Variants in ZNF236 observed in about 807,000 individuals in gnomAD.
ZNF236 encodes zinc finger protein 236.
ZNF236 carries 50 observed loss-of-function variants against 191.2 expected under a neutral mutation model. The ratio of observed to expected loss-of-function variants is 0.26; its 90% CI spans 0.21 to 0.33. The LOEUF is 0.33. ZNF236 is among the 10% of genes least tolerant of loss of function. The probability of loss-of-function intolerance (pLI) is 1.00; values close to 1 mark genes in which losing one functional copy is unlikely to be tolerated. For synonymous variants in ZNF236, 907 were observed against 928.8 expected (o/e 0.98, Z 0.43); for missense variants, 1,754 against 2,374.5 (o/e 0.74, Z 5.43).
intron 9 of ZNF236, among the ~76,000 whole-genome samples, chr18:76,890,866 C>T (rs745458556): frequency 2.6e-5 from 4 of 152,120 alleles, no homozygotes; most frequent in Non-Finnish European, 5.9e-5. Flanking sequence ...TTTTATCCTG[C>T]CTCTGCCACC....
chr18:76,895,402 G>A, intron 10 of ZNF236, 117 bp downstream of exon 10: 1 of 1,386,000 alleles, frequency 7.2e-7, no homozygotes, highest in Non-Finnish European at 9.8e-7. Flanking sequence ...CTGCACACAA[G>A]TACTGCTCAC....
Position 76,871,672 on chromosome 18 carries a change from G to A in ZNF236, c.543-29G>A, listed in dbSNP as rs768023191. ...TATGGTACAAGGGAGACATCTTACT[G>A]TGTATTTTGCCCCCCTTTATTACAC... On this transcript the variant is annotated intron_variant, in intron 4 of 30. Coordinates refer to ENST00000320610, the MANE Select transcript of ZNF236 (RefSeq NM_001306089.2). 3.1e-6 allele frequency: 5 copies of A among 1,613,146 alleles called. No individual in the cohort carries two copies. In the East Asian group the frequency reaches 6.7e-5, roughly 22 times the overall value.
At chr18:76,869,151 A>G (rs1427657002) in intron 4 of ZNF236, among the ~76,000 whole-genome samples, 8 of 152,228 alleles carry the variant, frequency 5.3e-5, no homozygotes, top group African/African-American at 4.8e-5. Context: ...AAATATGTCA[A>G]CTAGACTCAC....
chr18:76,898,471 G>C (rs1977498919), intron 10 of ZNF236, among the ~76,000 whole-genome samples: 1 of 152,180 alleles, frequency 6.6e-6, no homozygotes, highest in Non-Finnish European at 1.5e-5. Context: ...TTCATTTGCT[G>C]ATAAAATTGT....
chr18:76,904,408 GT>G lies in ZNF236; in HGVS notation c.1928del (p.Phe643SerfsTer70). On this transcript the variant is annotated frameshift_variant, in exon 12 of 31. Coordinates refer to ENST00000320610, the MANE Select transcript of ZNF236 (RefSeq NM_001306089.2). LOFTEE classifies it high-confidence loss of function. Reference protein sequence around the residue: ...GLIQPIPKNQFFQSYFNNNFV... With the variant: ...GLIQPIPKNQXFQSYFNNNFV... Reference sequence around the variant, plus strand: ...TCATCCAGCCCATTCCAAAAAACCAGTTTTTCCAAAGCTATTTCAATAATAA... The same window carrying G: ...TCATCCAGCCCATTCCAAAAAACCAGTTTTCCAAAGCTATTTCAATAATAA... 1 of 1,608,476 alleles carries G rather than the reference GT, an allele frequency of 6.2e-7. No individual in the cohort carries two copies. The highest frequency in any genetic ancestry group is 8.5e-7 in the Non-Finnish European group (1 of 1,177,738).
chr18:76,875,965 C>T lies in ZNF236; in HGVS notation c.840+301C>T, dbSNP rs1976699755. ...GTCTGTCATTCTAAATAATGTATTT[C>T]ATCCCTTTAGCAAACTTGAAACACA... On this transcript the variant is annotated intron_variant, in intron 6 of 30. Coordinates refer to ENST00000320610, the MANE Select transcript of ZNF236 (RefSeq NM_001306089.2). The surrounding 1 kb of genome is among the most constrained non-coding windows in gnomAD (Gnocchi z 4.3). Among the ~76,000 whole-genome samples, 1 of 152,154 alleles carries T rather than the reference C, an allele frequency of 6.6e-6. No homozygotes were observed. The highest frequency in any genetic ancestry group is 2.4e-5 in the African/African-American group (1 of 41,428).
chr18:76,957,853 A>G (rs1342820008), intron 28 of ZNF236, among the ~76,000 whole-genome samples: 1 of 152,258 alleles, frequency 6.6e-6, no homozygotes, highest in African/African-American at 2.4e-5. Flanking sequence ...AGACAATACC[A>G]TTCTGGACAG....
At chr18:76,896,643 CAGTACTGCACACAGTACACAAACAG>C (rs1055773808) in intron 10 of ZNF236, among the ~76,000 whole-genome samples, 1 of 148,338 alleles carries the variant, frequency 6.7e-6, no homozygotes, top group Non-Finnish European at 1.5e-5. Flanking sequence ...GTGCCAAACA[CAGTACTGCACACAGTACACAAACAG>C]AGTACTGCAC....
At chr18:76,865,203 A>G (rs949267317) in intron 3 of ZNF236, among the ~76,000 whole-genome samples, 7 of 152,008 alleles carry the variant, frequency 4.6e-5, no homozygotes, top group African/African-American at 1.2e-4. Context: ...TGGGTGTGGT[A>G]GCGGGTGCCT....
chr18:76,837,738 G>T (rs1568187824), intron 1 of ZNF236, among the ~76,000 whole-genome samples: 1 of 152,176 alleles, frequency 6.6e-6, no homozygotes, highest in South Asian at 2.1e-4. Flanking sequence ...ACCGCGCCTG[G>T]CTTTGAATTC....
At chr18:76,896,876 A>T (rs1276757139) in intron 10 of ZNF236, among the ~76,000 whole-genome samples, 3 of 151,708 alleles carry the variant, frequency 2.0e-5, no homozygotes, top group African/African-American at 4.8e-5. Flanking sequence ...TGCACATACT[A>T]CCAAACACAG....
rs1976855958 is a variant in ZNF236 at position 76,880,357 on chromosome 18, T to C, written c.1188+41T>C. On this transcript the variant is annotated intron_variant, in intron 8 of 30. Transcript: ENST00000320610. This position sits in a 1 kb window ranked among gnomAD's most constrained non-coding sequence, Gnocchi z 5.0. ...CTGCGGTGTGAGGCTTACGTGCTCGTGCTGGGTCAGAAACCAGGGATGATA... is the reference window on the plus strand; with the variant it reads ...CTGCGGTGTGAGGCTTACGTGCTCGCGCTGGGTCAGAAACCAGGGATGATA... 6.4e-6 allele frequency: 10 copies of C among 1,555,010 alleles called. No homozygotes were observed. The highest frequency in any genetic ancestry group is 7.9e-6 in the Non-Finnish European group (9 of 1,143,276).
At position 76,875,628 on chromosome 18, in the gene ZNF236, G is replaced by T. The variant is rs768355909; in HGVS notation, c.804G>T (p.Gly268=). Reference sequence around the variant, plus strand: ...GTCCTGCCGCCTTCTCTCAGAAAGGGAATCTTCAGTCGCACGTGCAGCGAG... The same window carrying T: ...GTCCTGCCGCCTTCTCTCAGAAAGGTAATCTTCAGTCGCACGTGCAGCGAG... ...AFCPAAFSQK[G]NLQSHVQRVH... Residue 268 remains glycine, a synonymous_variant, in exon 6 of 31, where the codon GGG becomes GGT. Transcript: ENST00000320610. This position sits in a 1 kb window ranked among gnomAD's most constrained non-coding sequence, Gnocchi z 4.3. 1.3e-6 allele frequency: 2 copies of T among 1,599,752 alleles called. No homozygotes were observed. The highest frequency in any genetic ancestry group is 4.5e-5 in the East Asian group (2 of 44,206).
chr18:76,912,672 C>T (rs973813106), intron 17 of ZNF236, among the ~76,000 whole-genome samples: 4 of 152,166 alleles, frequency 2.6e-5, no homozygotes. Flanking sequence ...TTATATTATG[C>T]CTTTTAGTTC....
Position 76,926,760 on chromosome 18 carries a change from C to T in ZNF236, c.4028-277C>T, listed in dbSNP as rs199716729. Among the ~76,000 whole-genome samples the T allele has an allele frequency of 1.3e-5, 2 of 150,800 alleles. 1 individual carries two copies. The highest frequency in any genetic ancestry group is 3.0e-5 in the Non-Finnish European group (2 of 67,728). ...GTGTATGGTATAAAGGGTGATTAGA[C>T]AGTGTGTGTGTATGGTATAAAGGGT... On this transcript the variant is annotated intron_variant, in intron 22 of 30. Transcript: ENST00000320610.
intron 1 of ZNF236, among the ~76,000 whole-genome samples, chr18:76,844,985 G>T (rs986449450): frequency 1.3e-5 from 2 of 152,190 alleles, no homozygotes; most frequent in Non-Finnish European, 2.9e-5. Flanking sequence ...TAAGTTATTG[G>T]CAGGCCCTTG....
At chr18:76,876,102 A>G (rs2122626028) in intron 6 of ZNF236, among the ~76,000 whole-genome samples, 1 of 152,354 alleles carries the variant, frequency 6.6e-6, no homozygotes, top group East Asian at 1.9e-4. Flanking sequence ...TCTTGGACAG[A>G]GGCCTGCTTT....
intron 20 of ZNF236, among the ~76,000 whole-genome samples, chr18:76,921,657 GAC>G (rs1352130062): frequency 6.6e-6 from 1 of 150,872 alleles, no homozygotes; most frequent in Non-Finnish European, 1.5e-5. Flanking sequence ...AATTAGCAGA[GAC>G]AAAATGCTAC....
intron 20 of ZNF236, among the ~76,000 whole-genome samples, chr18:76,922,498 A>G (rs1190889809): frequency 1.3e-5 from 2 of 150,838 alleles, no homozygotes; most frequent in South Asian, 2.1e-4. Context: ...CTACTCTGAT[A>G]TCGTTTGGGT....
Sources: allele counts gnomAD v4.1 joint callset (sites outside exome capture counted in the v4.1 genomes callset), GRCh38; gene constraint gnomAD v4.1.1; non-coding constraint Gnocchi (gnomAD v3.1); transcripts MANE v1.5; gene names NCBI Gene and HGNC (gene_info 2026-07-23, HGNC 2026-07-21).